SH3BP5: variants seen among roughly 807,000 people sequenced by gnomAD.
SH3BP5 encodes the protein SH3 domain binding protein 5.
A neutral mutation model predicts 43.3 loss-of-function variants in SH3BP5; 22 were observed. That is an observed-to-expected ratio of 0.51 (90% CI 0.36 to 0.73). SH3BP5 has a LOEUF of 0.73. SH3BP5 is among the 30% of genes least tolerant of loss of function. SH3BP5 has a pLI of 0.00. For missense variants in SH3BP5, 529 were observed against 586.9 expected, an observed-to-expected ratio of 0.90 and a Z score of 1.02; for synonymous variants, 255 against 225.8, an observed-to-expected ratio of 1.13 and a Z score of -1.16.
At chr3:15,318,839 T>C (rs1698248942) in intron 2 of SH3BP5, among the ~76,000 whole-genome samples, 1 of 152,044 alleles carries the variant, frequency 6.6e-6, no homozygotes, top group Non-Finnish European at 1.5e-5. Context: ...CCCAAACTAC[T>C]GGGATTATGG....
At chr3:15,339,310 G>A (rs1163002167) in intron 1 of SH3BP5, among the ~76,000 whole-genome samples, 1 of 152,150 alleles carries the variant, frequency 6.6e-6, no homozygotes, top group Non-Finnish European at 1.5e-5. Context: ...ACAGGCCACA[G>A]CACCTAGAGA....
At chr3:15,265,830 C>T (rs977266944) in intron 4 of SH3BP5, among the ~76,000 whole-genome samples, 1 of 152,082 alleles carries the variant, frequency 6.6e-6, no homozygotes, top group African/African-American at 2.4e-5. Flanking sequence ...CCAGGGACCA[C>T]AGAGATACTG....
In SH3BP5 at chr3:15,306,792, C is replaced by T. The variant is rs139481102; in HGVS notation, c.202-2561G>A. Among the ~76,000 whole-genome samples, 305 of 152,214 alleles carry T rather than the reference C, an allele frequency of 2.0e-3. 2 individuals are homozygous for T. The highest frequency in any genetic ancestry group is 6.9e-3 in the African/African-American group (286 of 41,528). On this transcript the variant is annotated intron_variant, in intron 2 of 8. Coordinates refer to ENST00000383791, the MANE Select transcript of SH3BP5 (RefSeq NM_004844.5). ...CAAGCAATTCTCGTCCCTCAGCCTC[C>T]CAAGTAGCAGGAACTACAGGTGTGC...
rs748209564 is a variant in SH3BP5, at chr3:15,256,910, A to T, written c.1093T>A (p.Leu365Met). 6.2e-7 allele frequency: 1 copy of T among 1,614,146 alleles called. No homozygotes were observed. The highest frequency in any genetic ancestry group is 1.1e-5 in the South Asian group (1 of 91,066). ...CCGCTGCATTCACTTCGAGGGCCCA[A>T]CACTGGGAACATCATCCCAAACTCT... ...LSEFGMMFPV[L>M]GPRSECSGAS... The change falls in exon 8 of 9, where the codon TTG (leucine) becomes ATG (methionine). Residue 365 changes from leucine (L) to methionine (M), a missense_variant. Coordinates refer to ENST00000383791, the MANE Select transcript of SH3BP5 (RefSeq NM_004844.5).
chr3:15,291,689 G>T (rs1407589796), intron 3 of SH3BP5, among the ~76,000 whole-genome samples: 1 of 152,102 alleles, frequency 6.6e-6, no homozygotes, highest in East Asian at 1.9e-4. Context: ...CATGTGCAGA[G>T]GTTCCCACAG....
intron 2 of SH3BP5, among the ~76,000 whole-genome samples, chr3:15,307,700 G>A (rs1056011222): frequency 1.1e-4 from 17 of 152,242 alleles, no homozygotes; most frequent in African/African-American, 2.7e-4. Flanking sequence ...CAGCTGACAC[G>A]GTGGACATAA....
chr3:15,339,898 C>T (rs956233594), intron 1 of SH3BP5: 7 of 151,274 alleles, frequency 4.6e-5, no homozygotes, highest in African/African-American at 1.7e-4. Flanking sequence ...GAAGTGACGG[C>T]CTTTGCTAAA....
chr3:15,315,708 C>T (rs1391144463), intron 2 of SH3BP5, among the ~76,000 whole-genome samples: 1 of 152,176 alleles, frequency 6.6e-6, no homozygotes, highest in African/African-American at 2.4e-5. Flanking sequence ...CACCCAGTTC[C>T]ACCTCCTAGA....
At chr3:15,267,096 G>T (rs528458530) in intron 4 of SH3BP5, among the ~76,000 whole-genome samples, 15 of 152,344 alleles carry the variant, frequency 9.8e-5, no homozygotes, top group African/African-American at 3.6e-4. Flanking sequence ...TACCCAGAAG[G>T]CAGACAAGGG....
intron 3 of SH3BP5, among the ~76,000 whole-genome samples, chr3:15,272,275 C>T (rs749825939): frequency 2.6e-5 from 4 of 152,164 alleles, no homozygotes; most frequent in African/African-American, 4.8e-5. Flanking sequence ...CTCCAGGCGA[C>T]GATGACAATC....
chr3:15,256,210 TTACTGCTGCCACCACTGCCACTGC>T lies in SH3BP5; in HGVS notation c.1220_1243del (p.Ser407_Ser414del). On this transcript the variant is annotated inframe_deletion, in exon 9 of 9. Coordinates refer to ENST00000383791, the MANE Select transcript of SH3BP5 (RefSeq NM_004844.5). Reference sequence around the variant, plus strand: ...CTCAGGGGAGGTGCTGCTTTGGCTCTTACTGCTGCCACCACTGCCACTGCTACTGCTGAGGCCCCGGTTGTTGTT... The same window carrying T: ...CTCAGGGGAGGTGCTGCTTTGGCTCTTACTGCTGAGGCCCCGGTTGTTGTT... 1.2e-6 allele frequency: 2 copies of T among 1,614,228 alleles called. No individual in the cohort carries two copies. The highest frequency in any genetic ancestry group is 1.7e-6 in the Non-Finnish European group (2 of 1,180,038).
intron 5 of SH3BP5, among the ~76,000 whole-genome samples, chr3:15,261,367 TC>T (rs1696431319): frequency 6.6e-6 from 1 of 152,156 alleles, no homozygotes; most frequent in Non-Finnish European, 1.5e-5. Flanking sequence ...ACCAAACTCT[TC>T]CTTGCAGATC....
At chr3:15,269,609 T>G in intron 4 of SH3BP5, 104 bp downstream of exon 4, 1 of 1,289,310 alleles carries the variant, frequency 7.8e-7, no homozygotes, top group Non-Finnish European at 1.1e-6. Context: ...TTCAGGGTGT[T>G]TTCAGGCAAC....
chr3:15,317,988 A>G (rs755813151), intron 2 of SH3BP5, among the ~76,000 whole-genome samples: 17 of 152,122 alleles, frequency 1.1e-4, no homozygotes, highest in Non-Finnish European at 2.4e-4. Flanking sequence ...AACACAAACT[A>G]TTTAAGGGTA....
chr3:15,291,406 CA>C (rs1215438877), intron 3 of SH3BP5, among the ~76,000 whole-genome samples: 1 of 152,016 alleles, frequency 6.6e-6, no homozygotes, highest in Non-Finnish European at 1.5e-5. Flanking sequence ...CCAGATTTAG[CA>C]AATAAAAATA....
upstream of SH3BP5, among the ~76,000 whole-genome samples, chr3:15,336,218 A>C (rs1326798794): frequency 2.6e-5 from 4 of 152,256 alleles, no homozygotes; most frequent in African/African-American, 9.6e-5. Flanking sequence ...CAGCATGTGC[A>C]AAGGTCCTGA....
At chr3:15,261,938 T>TA (rs1669625433) in intron 5 of SH3BP5, among the ~76,000 whole-genome samples, 1 of 152,178 alleles carries the variant, frequency 6.6e-6, no homozygotes, top group African/African-American at 2.4e-5. Context: ...TTTCCTAACT[T>TA]AGTCATATCT....
At chr3:15,336,837 A>G (rs1371155646), upstream of SH3BP5, among the ~76,000 whole-genome samples, 2 of 151,974 alleles carry the variant, frequency 1.3e-5, no homozygotes, top group African/African-American at 2.4e-5. Flanking sequence ...TCACCCTCTT[A>G]TGTCCACACT....
chr3:15,338,223 G>C (rs534690593), intron 1 of SH3BP5, among the ~76,000 whole-genome samples: 21 of 152,098 alleles, frequency 1.4e-4, no homozygotes, highest in African/African-American at 4.3e-4. Flanking sequence ...TGCACCTGTA[G>C]TCCTAACTAC....
Sources: gnomAD v4.1 joint callset for allele counts (sites outside exome capture counted in the v4.1 genomes callset) on GRCh38, gnomAD v4.1.1 for gene constraint, MANE v1.5 for transcripts, NCBI Gene and HGNC (gene_info 2026-07-23, HGNC 2026-07-21) for gene names.